LSAMP: variants seen among roughly 807,000 people sequenced by gnomAD.
LSAMP encodes the protein limbic system associated membrane protein.
In LSAMP, 7 loss-of-function variants were observed where a neutral mutation model predicts 38.6. The ratio of observed to expected loss-of-function variants is 0.18; its 90% CI spans 0.10 to 0.34. LSAMP has a LOEUF of 0.34. Among genes scored for constraint, LSAMP ranks in the 10% least tolerant of loss-of-function variants. The probability of loss-of-function intolerance (pLI) is 1.00; values close to 1 mark genes in which losing one functional copy is unlikely to be tolerated. For missense variants in LSAMP, 313 were observed against 420.0 expected (o/e 0.75, Z 2.23); for synonymous variants, 154 against 166.8 (o/e 0.92, Z 0.59).
At chr3:116,166,853 C>T (rs1371839834) in intron 1 of LSAMP, among the ~76,000 whole-genome samples, 2 of 144,670 alleles carry the variant, frequency 1.4e-5, no homozygotes, top group Admixed American at 7.0e-5. Flanking sequence ...TGCAGTGGCG[C>T]GATCTCAGCT....
At chr3:116,435,418 A>G (rs1228837626) in intron 1 of LSAMP, among the ~76,000 whole-genome samples, 3 of 151,858 alleles carry the variant, frequency 2.0e-5, no homozygotes, top group Admixed American at 2.0e-4. Flanking sequence ...CTGCCTCCCT[A>G]TGGGACTACC....
At chr3:116,187,708 T>C (rs1052865287) in intron 1 of LSAMP, among the ~76,000 whole-genome samples, 3 of 152,200 alleles carry the variant, frequency 2.0e-5, no homozygotes. Context: ...ACATAGCTTC[T>C]TTACAATACC....
chr3:115,818,812 A>ATATATATATATATT lies in LSAMP; in HGVS notation c.920-8399_920-8398insAATATATATATATA, dbSNP rs1317530643. ...CTTTTATATATATATATATATATATATATATATATAACTGCAGCAACATGA... is the reference window on the plus strand; with the variant it reads ...CTTTTATATATATATATATATATATATATATATATATATTTATATATATAACTGCAGCAACATGA... On this transcript the variant is annotated intron_variant, in intron 6 of 6. Coordinates refer to ENST00000490035, the MANE Select transcript of LSAMP (RefSeq NM_002338.5). Among the ~76,000 whole-genome samples, 37 of 120,790 alleles carry ATATATATATATATT rather than the reference A, an allele frequency of 3.1e-4. 1 individual carries two copies. The highest frequency in any genetic ancestry group is 5.5e-4 in the Non-Finnish European group (31 of 55,862). The allele number at this position is 120,790 out of a possible 152,430, so 79.2% of individuals were successfully genotyped here. A position where few individuals can be genotyped will look rare whatever the true frequency, so the allele number is the denominator to read the frequency against.
At chr3:115,891,927 C>T (rs868120398) in intron 3 of LSAMP, among the ~76,000 whole-genome samples, 7 of 151,974 alleles carry the variant, frequency 4.6e-5, no homozygotes, top group African/African-American at 1.2e-4. Context: ...TGTTCACAGT[C>T]GGTTCTTTGA....
At chr3:115,970,224 C>T (rs1207127902) in intron 3 of LSAMP, among the ~76,000 whole-genome samples, 1 of 152,118 alleles carries the variant, frequency 6.6e-6, no homozygotes, top group Admixed American at 6.6e-5. Flanking sequence ...AGCCTCTTTC[C>T]TCACCTTGGA....
rs535411136 is a variant in LSAMP at position 115,889,299 on chromosome 3, C to T, written c.515-36682G>A. ...AAGTGGAATATCTGTAATCTAAATG[C>T]GCTTATGCTGGGTGATGTGTTGGTG... On this transcript the variant is annotated intron_variant, in intron 3 of 6. Coordinates refer to ENST00000490035, the MANE Select transcript of LSAMP (RefSeq NM_002338.5). Among the ~76,000 whole-genome samples the T allele has an allele frequency of 2.2e-3, 330 of 151,824 alleles. 1 individual carries two copies. The highest frequency in any genetic ancestry group is 3.4e-3 in the Non-Finnish European group (231 of 67,926).
At chr3:116,105,003 G>A (rs184131288) in intron 1 of LSAMP, among the ~76,000 whole-genome samples, 11 of 152,292 alleles carry the variant, frequency 7.2e-5, no homozygotes, top group East Asian at 1.9e-4. Context: ...GCAGGCACCC[G>A]TGTCAAATAT....
intron 1 of LSAMP, among the ~76,000 whole-genome samples, chr3:116,420,180 C>T (rs1267816768): frequency 6.6e-6 from 1 of 151,974 alleles, no homozygotes; most frequent in Non-Finnish European, 1.5e-5. Flanking sequence ...TCACTGCTAC[C>T]TCCGCCTCCT....
intron 1 of LSAMP, among the ~76,000 whole-genome samples, chr3:116,199,845 C>T (rs950760243): frequency 2.0e-5 from 3 of 151,988 alleles, no homozygotes; most frequent in Non-Finnish European, 4.4e-5. Flanking sequence ...TTGTGGCAAC[C>T]ATTGACTATA....
intron 3 of LSAMP, among the ~76,000 whole-genome samples, chr3:115,897,192 A>G (rs1464141): frequency 0.2 from 29,657 of 151,874 alleles, 3,234 homozygotes; most frequent in African/African-American, 0.29. Context: ...TTAGATGCTC[A>G]CCCAGCTATT....
intron 1 of LSAMP, among the ~76,000 whole-genome samples, chr3:116,367,424 C>T (rs958676806): frequency 1.3e-5 from 2 of 151,902 alleles, no homozygotes; most frequent in African/African-American, 4.8e-5. Flanking sequence ...GTACCTCTCT[C>T]ACCACCTGTG....
intron 1 of LSAMP, among the ~76,000 whole-genome samples, chr3:116,311,294 AGTT>A (rs2047554416): frequency 6.6e-6 from 1 of 152,200 alleles, no homozygotes; most frequent in South Asian, 2.1e-4. Flanking sequence ...TAAAAACAGT[AGTT>A]CTCAAAATTG....
chr3:115,812,083 G>A (rs903335295), intron 6 of LSAMP, among the ~76,000 whole-genome samples: 3 of 152,152 alleles, frequency 2.0e-5, no homozygotes, highest in Non-Finnish European at 4.4e-5. Flanking sequence ...CAAAAACAAG[G>A]AGACAACTAC....
intron 3 of LSAMP, among the ~76,000 whole-genome samples, chr3:115,979,690 A>G (rs1191597441): frequency 1.3e-5 from 2 of 152,140 alleles, no homozygotes; most frequent in Non-Finnish European, 2.9e-5. Flanking sequence ...CTCAAAGAAC[A>G]TGAGGTCCCT....
At chr3:116,149,026 T>C (rs1032356894) in intron 1 of LSAMP, among the ~76,000 whole-genome samples, 1 of 151,980 alleles carries the variant, frequency 6.6e-6, no homozygotes, top group African/African-American at 2.4e-5. Context: ...TATTCAGCCT[T>C]TAATGAGCTG....
intron 1 of LSAMP, among the ~76,000 whole-genome samples, chr3:116,261,938 C>CT (rs1214114916): frequency 6.6e-6 from 1 of 150,500 alleles, no homozygotes; most frequent in Non-Finnish European, 1.5e-5. Context: ...GCATTCACAT[C>CT]TTTTTCTAAA....
At chr3:116,183,577 G>C (rs1343781434) in intron 1 of LSAMP, among the ~76,000 whole-genome samples, 2 of 151,744 alleles carry the variant, frequency 1.3e-5, no homozygotes, top group African/African-American at 2.4e-5. Flanking sequence ...TAGAGCATAA[G>C]TTTCCTTATT....
intron 1 of LSAMP, among the ~76,000 whole-genome samples, chr3:116,351,062 T>A (rs902082225): frequency 1.3e-5 from 2 of 152,008 alleles, no homozygotes; most frequent in African/African-American, 2.4e-5. Context: ...TCCTCGGTAC[T>A]TTTTGTAAAG....
intron 3 of LSAMP, among the ~76,000 whole-genome samples, chr3:116,013,625 T>C (rs989976804): frequency 1.3e-5 from 2 of 152,156 alleles, no homozygotes; most frequent in Non-Finnish European, 2.9e-5. Context: ...GTTTATACAT[T>C]GGCATATATA....
Sources: gnomAD v4.1 joint callset for allele counts (sites outside exome capture counted in the v4.1 genomes callset) on GRCh38, gnomAD v4.1.1 for gene constraint, MANE v1.5 for transcripts, NCBI Gene and HGNC (gene_info 2026-07-23, HGNC 2026-07-21) for gene names.